Variants in CCDC42 observed in about 807,000 individuals in gnomAD.
CCDC42 encodes coiled-coil domain containing 42.
A neutral mutation model predicts 40.8 loss-of-function variants in CCDC42; 38 were observed. The observed-to-expected ratio is 0.93, with a 90% CI of 0.72 to 1.22. The LOEUF (loss-of-function observed/expected upper bound fraction) is 1.22. CCDC42 is among the 50% of genes most tolerant of loss of function. The pLI is 0.00. For missense variants in CCDC42, 379 were observed against 416.5 expected, an observed-to-expected ratio of 0.91 and a Z score of 0.78; for synonymous variants, 135 against 157.5, an observed-to-expected ratio of 0.86 and a Z score of 1.07.
At chr17:8,732,912 T>C (rs1217500655) in intron 6 of CCDC42, among the ~76,000 whole-genome samples, 1 of 152,190 alleles carries the variant, frequency 6.6e-6, no homozygotes, top group African/African-American at 2.4e-5. Context: ...GAATCGCTTT[T>C]CCTAAGCTGT....
chr17:8,739,490 T>G (rs1414742962), intron 4 of CCDC42, among the ~76,000 whole-genome samples: 1 of 152,218 alleles, frequency 6.6e-6, no homozygotes, highest in Non-Finnish European at 1.5e-5. Flanking sequence ...TCCTCCATTC[T>G]AAGATATATA....
chr17:8,731,682 T>C (rs970366590), intron 6 of CCDC42, among the ~76,000 whole-genome samples: 8 of 152,164 alleles, frequency 5.3e-5, no homozygotes, highest in African/African-American at 1.4e-4. Context: ...TTCTCACTTA[T>C]TAGTGGGAGC....
intron 6 of CCDC42, among the ~76,000 whole-genome samples, chr17:8,732,215 C>T (rs1231982287): frequency 1.4e-5 from 2 of 139,424 alleles, no homozygotes; most frequent in East Asian, 2.3e-4. Flanking sequence ...AGGAGAATGG[C>T]GTGAACCTGG....
chr17:8,737,518 T>C (rs559759500), intron 4 of CCDC42, among the ~76,000 whole-genome samples: 1 of 152,298 alleles, frequency 6.6e-6, no homozygotes, highest in Non-Finnish European at 1.5e-5. Flanking sequence ...GAGACCCACA[T>C]AGTAATCAAA....
chr17:8,733,842 G>A (rs971929631), intron 6 of CCDC42, among the ~76,000 whole-genome samples: 12 of 152,294 alleles, frequency 7.9e-5, no homozygotes, highest in Middle Eastern at 3.4e-3. Context: ...GAGGACCTCC[G>A]GGAGGCTGAG....
chr17:8,743,018 G>A (rs1321042720), intron 3 of CCDC42, among the ~76,000 whole-genome samples: 14 of 152,218 alleles, frequency 9.2e-5, no homozygotes, highest in Non-Finnish European at 2.9e-5. Context: ...GCTTAAGAGC[G>A]GGGCTTCTTT....
At chr17:8,741,080 T>A (rs1018439812) in intron 4 of CCDC42, among the ~76,000 whole-genome samples, 8 of 151,970 alleles carry the variant, frequency 5.3e-5, no homozygotes. Context: ...GATGCAGGGA[T>A]AGAGGGAGGC....
intron 6 of CCDC42, among the ~76,000 whole-genome samples, chr17:8,734,468 T>C (rs142062233): frequency 2.6e-5 from 4 of 151,894 alleles, no homozygotes; most frequent in African/African-American, 9.7e-5. Flanking sequence ...CCTAGCTGTG[T>C]ATATTTCATG....
intron 4 of CCDC42, among the ~76,000 whole-genome samples, chr17:8,740,936 G>A (rs886754351): frequency 2.6e-5 from 4 of 152,146 alleles, no homozygotes; most frequent in South Asian, 2.1e-4. Context: ...GAAGTTACCC[G>A]TGTGAAGCAC....
intron 4 of CCDC42, among the ~76,000 whole-genome samples, chr17:8,738,014 G>C (rs1370666966): frequency 6.6e-6 from 1 of 151,686 alleles, no homozygotes; most frequent in Non-Finnish European, 1.5e-5. Context: ...CAGATTTGGG[G>C]GGGGTCTCAC....
Position 8,741,531 on chromosome 17 carries a change from C to G in CCDC42, c.435G>C (p.Lys145Asn). 1 of 1,614,234 alleles carries G rather than the reference C, an allele frequency of 6.2e-7. No individual in the cohort carries two copies. Among genetic ancestry groups the G allele is most frequent in the Non-Finnish European group, 8.5e-7 (1 of 1,180,054 alleles). Residue 145 changes from lysine (K) to asparagine (N), a missense_variant, in exon 4 of 7, where the codon AAG (lysine) becomes AAC (asparagine). Physicochemically the swap from Lys to Asn is moderately conservative, Grantham distance 94. Coordinates refer to ENST00000293845, the MANE Select transcript of CCDC42 (RefSeq NM_144681.3). ...LRLEHQRLSA[K>N]LKDYYIFNKY... ...TGTTGAAGATGTAGTAGTCCTTCAG[C>G]TTGGCGCTCAGCCGCTGGTGCTCCA... is the stretch of plus-strand genomic sequence containing the variant.
Position 8,743,615 on chromosome 17 carries a change from C to T in CCDC42, c.294+11G>A, listed in dbSNP as rs777119805. The T allele has an allele frequency of 6.5e-6, 10 of 1,548,554 alleles. No homozygotes were observed. The highest frequency in any genetic ancestry group is 3.3e-5 in the South Asian group (3 of 89,800). Reference sequence around the variant, plus strand: ...CCCCTGGCCACTGCGGCCGCCCACACCCCTTCAAACCTGGATGAACTGCTC... The same window carrying T: ...CCCCTGGCCACTGCGGCCGCCCACATCCCTTCAAACCTGGATGAACTGCTC... On this transcript the variant is annotated intron_variant, in intron 3 of 6. Transcript: ENST00000293845.
At chr17:8,734,921 G>C (rs1479710775) in intron 6 of CCDC42, among the ~76,000 whole-genome samples, 175 bp downstream of exon 6, 2 of 152,206 alleles carry the variant, frequency 1.3e-5, no homozygotes, top group Non-Finnish European at 2.9e-5. Context: ...CTGAGTCAGA[G>C]ACTCTGCGGG....
chr17:8,729,967 G>C lies in CCDC42; in HGVS notation c.*163C>G. 1 of 637,682 alleles carries C rather than the reference G, an allele frequency of 1.6e-6. No homozygotes were observed. The highest frequency in any genetic ancestry group is 2.8e-6 in the Non-Finnish European group (1 of 357,008). 39.5% of individuals were successfully genotyped at this position (637,682 alleles called of 1,614,324 possible). ...GAACAAACTTCATATAACATTCACT[G>C]TTTTCAGGGATAGAGTGAGGCCCAC... On this transcript the variant is annotated 3_prime_UTR_variant, in exon 7 of 7. Transcript: ENST00000293845.
intron 3 of CCDC42, among the ~76,000 whole-genome samples, chr17:8,743,090 G>C (rs1413611054): frequency 6.6e-6 from 1 of 152,240 alleles, no homozygotes; most frequent in Non-Finnish European, 1.5e-5. Context: ...GGCTGCGTAA[G>C]TGCTACCTGG....
rs2086603782 is a variant in CCDC42, at chr17:8,735,345, C to A, written c.714+45G>T. On this transcript the variant is annotated intron_variant, in intron 5 of 6. Coordinates refer to ENST00000293845, the MANE Select transcript of CCDC42 (RefSeq NM_144681.3). This position sits in a 1 kb window ranked among gnomAD's most constrained non-coding sequence, Gnocchi z 4.7. The stretch of plus-strand genomic sequence containing the variant: ...TGTGTGTGTATGCTCAGGGCCCGCA[C>A]TCACCCAGTGCCTGGGAGCCCCCGG... 2 of 1,611,524 alleles carry A rather than the reference C, an allele frequency of 1.2e-6. No individual in the cohort carries two copies. The highest frequency in any genetic ancestry group is 1.7e-6 in the Non-Finnish European group (2 of 1,178,482).
intron 4 of CCDC42, among the ~76,000 whole-genome samples, chr17:8,736,626 C>T (rs2086612891): frequency 6.6e-6 from 1 of 152,212 alleles, no homozygotes; most frequent in Non-Finnish European, 1.5e-5. Context: ...TGGGAACTGC[C>T]CTGCTGGCCT....
intron 1 of CCDC42, 85 bp downstream of exon 1, chr17:8,744,442 A>T (rs1205472819): frequency 7.1e-6 from 8 of 1,130,462 alleles, no homozygotes; most frequent in Non-Finnish European, 1.1e-5. Context: ...AGAGGAGGGG[A>T]CAGACGGTTG....
At position 8,730,103 on chromosome 17, in the gene CCDC42, A is replaced by G; in HGVS notation, c.*27T>C. On this transcript the variant is annotated 3_prime_UTR_variant, in exon 7 of 7. Coordinates refer to ENST00000293845, the MANE Select transcript of CCDC42 (RefSeq NM_144681.3). The stretch of plus-strand genomic sequence containing the variant: ...CTTCTTCTTTCACGATCTCTGTCTC[A>G]GGACATTCTGGAACAAGGCTGCCTC... 6.2e-7 allele frequency: 1 copy of G among 1,608,154 alleles called. No homozygotes were observed. The highest frequency in any genetic ancestry group is 1.1e-5 in the South Asian group (1 of 90,836).
Sources: gnomAD v4.1 joint callset for allele counts (sites outside exome capture counted in the v4.1 genomes callset) on GRCh38, gnomAD v4.1.1 for gene constraint, Gnocchi (gnomAD v3.1) non-coding constraint, MANE v1.5 for transcripts, NCBI Gene and HGNC (gene_info 2026-07-23, HGNC 2026-07-21) for gene names.